The following OPCML variants were observed in gnomAD, a reference collection of about 807,000 sequenced individuals.
OPCML encodes the protein opioid binding protein/cell adhesion molecule like, also known as opioid-binding protein/cell adhesion molecule.
Under a neutral mutation model 37.8 loss-of-function variants are expected in OPCML, and 13 were observed. The observed-to-expected ratio is 0.34, with a 90% CI of 0.22 to 0.55. The LOEUF is 0.55. Ranked by LOEUF, OPCML falls within the 20% of genes least tolerant of loss-of-function variation. The pLI, the probability that OPCML is intolerant of heterozygous loss-of-function variation, is 0.91. For missense variants in OPCML, 341 were observed against 435.6 expected (o/e 0.78, Z 1.93); for synonymous variants, 176 against 168.8 (o/e 1.04, Z -0.33).
intron 1 of OPCML, among the ~76,000 whole-genome samples, chr11:133,320,008 ACT>A (rs1265336508): frequency 4.6e-5 from 7 of 152,080 alleles, no homozygotes; most frequent in African/African-American, 1.7e-4. Context: ...ACTGGATCTG[ACT>A]CTGCTTCGTC....
At chr11:132,792,992 A>T (rs1210730125) in intron 2 of OPCML, among the ~76,000 whole-genome samples, 1 of 152,176 alleles carries the variant, frequency 6.6e-6, no homozygotes, top group Non-Finnish European at 1.5e-5. Context: ...TGAGGCAGGC[A>T]CTGTGAATTC....
intron 1 of OPCML, among the ~76,000 whole-genome samples, chr11:133,394,526 C>T (rs886959512): frequency 6.6e-6 from 1 of 152,178 alleles, no homozygotes; most frequent in Non-Finnish European, 1.5e-5. Flanking sequence ...TATTTTGTAA[C>T]AACTAAACAT....
intron 1 of OPCML, among the ~76,000 whole-genome samples, chr11:133,083,357 A>C (rs1260839278): frequency 6.6e-6 from 1 of 151,456 alleles, no homozygotes; most frequent in Non-Finnish European, 1.5e-5. Context: ...GTGTGCTCCC[A>C]CTGCCCCAGC....
chr11:133,445,887 G>A (rs1946464236), intron 1 of OPCML, among the ~76,000 whole-genome samples: 2 of 152,074 alleles, frequency 1.3e-5, no homozygotes, highest in South Asian at 4.2e-4. Context: ...GGGAGGATGA[G>A]AAGATGGGGC....
intron 7 of OPCML, among the ~76,000 whole-genome samples, chr11:132,435,620 C>T (rs534260389): frequency 6.6e-6 from 1 of 152,300 alleles, no homozygotes; most frequent in East Asian, 1.9e-4. Flanking sequence ...GAGCAGCCAC[C>T]TGATAAGGTC....
At chr11:133,194,213 T>G (rs1279405022) in intron 1 of OPCML, among the ~76,000 whole-genome samples, 1 of 147,480 alleles carries the variant, frequency 6.8e-6, no homozygotes, top group Non-Finnish European at 1.5e-5. Context: ...CACTTTTTTT[T>G]TTTTTTTTTT....
rs956356856 is a variant in OPCML at position 132,677,268 on chromosome 11, G to T, written c.147-19949C>A. On this transcript the variant is annotated intron_variant, in intron 2 of 7. Transcript: ENST00000524381. ...AAAGATGAACCAACTAAATGAAGAG[G>T]TGTTCCATGTTCACAAACAGGAAGA... Among the ~76,000 whole-genome samples, 134 of 152,122 alleles carry T rather than the reference G, an allele frequency of 8.8e-4. 1 individual carries two copies. The highest frequency in any genetic ancestry group is 1.2e-4 in the Non-Finnish European group (8 of 67,942).
rs954035879 is a variant in OPCML at position 133,211,771 on chromosome 11, G to A, written c.62-268761C>T. On this transcript the variant is annotated intron_variant, in intron 1 of 7. Coordinates refer to ENST00000524381, the MANE Select transcript of OPCML (RefSeq NM_001012393.5). This position sits in a 1 kb window ranked among gnomAD's most constrained non-coding sequence, Gnocchi z 4.1. ...TATACCATCACCATTATCACAACACGCTTTTCACAATTTTTTTAAGTCTTA... is the reference window on the plus strand; with the variant it reads ...TATACCATCACCATTATCACAACACACTTTTCACAATTTTTTTAAGTCTTA... Among the ~76,000 whole-genome samples, 8 of 152,096 alleles carry A rather than the reference G, an allele frequency of 5.3e-5. No homozygotes were observed. The highest frequency in any genetic ancestry group is 6.5e-5 in the Admixed American group (1 of 15,280).
intron 1 of OPCML, among the ~76,000 whole-genome samples, chr11:133,247,540 T>TTTTCTTTCTTTATTTCTTTCTTTCTTTC (rs1940972901): frequency 1.6e-5 from 2 of 122,408 alleles, no homozygotes; most frequent in African/African-American, 6.7e-5. Flanking sequence ...CTTTCCTTCT[T>TTTTCTTTCTTTATTTCTTTCTTTCTTTC]TTTCTTTCTT....
At chr11:132,725,778 CAAA>C (rs34622834) in intron 2 of OPCML, among the ~76,000 whole-genome samples, 11 of 73,926 alleles carry the variant, frequency 1.5e-4, no homozygotes, top group Admixed American at 3.3e-4. Context: ...GACTCCATCT[CAAA>C]AAAAAAAAAA....
intron 3 of OPCML, among the ~76,000 whole-genome samples, chr11:132,585,517 T>TAG (rs896570027): frequency 6.6e-5 from 10 of 152,324 alleles, no homozygotes; most frequent in Non-Finnish European, 1.5e-4. Context: ...TATCATGGCC[T>TAG]AGTGCATAAG....
chr11:132,685,169 A>T (rs1388519471), intron 2 of OPCML, among the ~76,000 whole-genome samples: 2 of 152,198 alleles, frequency 1.3e-5, no homozygotes, highest in African/African-American at 4.8e-5. Context: ...TTGCCCTGTC[A>T]TCTCCATGCC....
At chr11:132,911,233 A>G (rs1335548432) in intron 2 of OPCML, among the ~76,000 whole-genome samples, 1 of 152,248 alleles carries the variant, frequency 6.6e-6, no homozygotes, top group East Asian at 1.9e-4. Context: ...GAATTTCAAG[A>G]GAATTTTGAT....
intron 2 of OPCML, among the ~76,000 whole-genome samples, chr11:132,908,118 A>T (rs901547097): frequency 2.0e-5 from 3 of 152,226 alleles, no homozygotes; most frequent in African/African-American, 7.2e-5. Context: ...GAGACAACAA[A>T]ACACAGGAGC....
At chr11:133,521,488 T>A (rs1948396395) in intron 1 of OPCML, among the ~76,000 whole-genome samples, 3 of 152,244 alleles carry the variant, frequency 2.0e-5, no homozygotes, top group Non-Finnish European at 4.4e-5. Flanking sequence ...GCTAAACTGA[T>A]GGCAGTTATA....
At chr11:132,484,247 A>T (rs1358901472) in intron 4 of OPCML, among the ~76,000 whole-genome samples, 1 of 152,228 alleles carries the variant, frequency 6.6e-6, no homozygotes, top group Non-Finnish European at 1.5e-5. Context: ...TCCATCAAAA[A>T]GTGGGCAAAG....
At chr11:132,720,242 T>C (rs1292933238) in intron 2 of OPCML, among the ~76,000 whole-genome samples, 1 of 152,180 alleles carries the variant, frequency 6.6e-6, no homozygotes, top group African/African-American at 2.4e-5. Context: ...CCACAGTCCA[T>C]AGTCAAAACA....
intron 3 of OPCML, among the ~76,000 whole-genome samples, chr11:132,578,576 C>G (rs1348456391): frequency 2.6e-5 from 4 of 152,134 alleles, no homozygotes; most frequent in Non-Finnish European, 5.9e-5. Flanking sequence ...TATAAGCCAT[C>G]CTTGTTGAAT....
At chr11:132,479,031 G>A (rs2096167794) in intron 4 of OPCML, among the ~76,000 whole-genome samples, 1 of 152,102 alleles carries the variant, frequency 6.6e-6, no homozygotes, top group African/African-American at 2.4e-5. Context: ...AGGGAGAGGA[G>A]CCAAGATGGC....
Sources: gnomAD v4.1 joint callset for allele counts (sites outside exome capture counted in the v4.1 genomes callset) on GRCh38, gnomAD v4.1.1 for gene constraint, Gnocchi (gnomAD v3.1) non-coding constraint, MANE v1.5 for transcripts, NCBI Gene and HGNC (gene_info 2026-07-23, HGNC 2026-07-21) for gene names.